Variants in PIEZO2 observed in about 807,000 individuals in gnomAD.
PIEZO2 encodes piezo-type mechanosensitive ion channel component 2.
Under a neutral mutation model 337.3 loss-of-function variants are expected in PIEZO2, and 172 were observed. The ratio of observed to expected loss-of-function variants is 0.51; its 90% CI spans 0.45 to 0.58. The LOEUF (loss-of-function observed/expected upper bound fraction) is 0.58. Among genes scored for constraint, PIEZO2 ranks in the 20% least tolerant of loss-of-function variants. The pLI, the probability that PIEZO2 is intolerant of heterozygous loss-of-function variation, is 0.00. For missense variants in PIEZO2, 3,028 were observed against 3,391.3 expected (o/e 0.89, Z 2.66); for synonymous variants, 1,251 against 1,228.5 (o/e 1.02, Z -0.38).
intron 36 of PIEZO2, among the ~76,000 whole-genome samples, chr18:10,720,882 G>C (rs1352735798): frequency 6.6e-6 from 1 of 152,102 alleles, no homozygotes; most frequent in East Asian, 1.9e-4. Context: ...AAGCTGACCT[G>C]CTCTTTATTT....
At chr18:10,712,889 C>G (rs2035874888) in intron 39 of PIEZO2, among the ~76,000 whole-genome samples, 1 of 152,062 alleles carries the variant, frequency 6.6e-6, no homozygotes. Flanking sequence ...AGTTTCTGTC[C>G]TAAATGTTTC....
chr18:11,148,464 C>T lies in PIEZO2; in HGVS notation c.64+61G>A, dbSNP rs1382436121. 3 of 1,511,676 alleles carry T rather than the reference C, an allele frequency of 2.0e-6. No individual in the cohort carries two copies. The highest frequency in any genetic ancestry group is 1.4e-5 in the African/African-American group (1 of 72,406). 93.6% of individuals were successfully genotyped at this position (1,511,676 alleles called of 1,614,324 possible). A position where few individuals can be genotyped will look rare whatever the true frequency, so the allele number is the denominator to read the frequency against. On this transcript the variant is annotated intron_variant, in intron 1 of 55. Coordinates refer to ENST00000674853, the MANE Select transcript of PIEZO2 (RefSeq NM_001378183.1). The surrounding 1 kb of genome is among the most constrained non-coding windows in gnomAD (Gnocchi z 5.2). ...AGAGCCCTTCACTTTGTTAAGAAGT[C>T]CCCCACCCAGGCGCCCCCCTCGTCC...
chr18:10,725,975 C>T (rs981583400), intron 36 of PIEZO2, among the ~76,000 whole-genome samples: 4 of 152,150 alleles, frequency 2.6e-5, no homozygotes, highest in Admixed American at 6.5e-5. Context: ...TTGCTCTGGG[C>T]AAGAGGTGGT....
At chr18:10,764,155 ATCT>A (rs1214810083) in intron 21 of PIEZO2, among the ~76,000 whole-genome samples, 3 of 152,190 alleles carry the variant, frequency 2.0e-5, no homozygotes, top group Non-Finnish European at 2.9e-5. Flanking sequence ...AAGGACCACC[ATCT>A]TCTTCAGGCA....
At position 11,096,985 on chromosome 18, in the gene PIEZO2, C is replaced by A. The variant is rs2039279566; in HGVS notation, c.65-30763G>T. Among the ~76,000 whole-genome samples, 1 of 152,138 alleles carries A rather than the reference C, an allele frequency of 6.6e-6. No individual in the cohort carries two copies. On this transcript the variant is annotated intron_variant, in intron 1 of 55. Coordinates refer to ENST00000674853, the MANE Select transcript of PIEZO2 (RefSeq NM_001378183.1). This position sits in a 1 kb window ranked among gnomAD's most constrained non-coding sequence, Gnocchi z 4.6. ...GCTTTGTCTAGGAAAGATTTAAATGCCTAACGCCAGCAAGGCTTTTCCTCT... is the reference window on the plus strand; with the variant it reads ...GCTTTGTCTAGGAAAGATTTAAATGACTAACGCCAGCAAGGCTTTTCCTCT...
intron 36 of PIEZO2, among the ~76,000 whole-genome samples, chr18:10,725,658 T>C (rs1425421059): frequency 2.6e-5 from 4 of 152,238 alleles, no homozygotes; most frequent in Non-Finnish European, 5.9e-5. Flanking sequence ...GCCCACGCTC[T>C]GGGCTCGCCT....
At chr18:10,955,346 C>G (rs1250943459) in intron 3 of PIEZO2, among the ~76,000 whole-genome samples, 1 of 152,122 alleles carries the variant, frequency 6.6e-6, no homozygotes, top group Non-Finnish European at 1.5e-5. Context: ...ATTGGCATGG[C>G]CTGTCTGGGA....
intron 2 of PIEZO2, among the ~76,000 whole-genome samples, chr18:11,051,571 C>T (rs547252686): frequency 3.8e-4 from 58 of 152,222 alleles, no homozygotes; most frequent in African/African-American, 1.3e-3. Context: ...ATGACCTGTC[C>T]ATCTACTCCA....
At chr18:10,755,439 C>T (rs1383950153) in intron 27 of PIEZO2, among the ~76,000 whole-genome samples, 2 of 152,146 alleles carry the variant, frequency 1.3e-5, no homozygotes, top group Non-Finnish European at 2.9e-5. Context: ...GCAGCTTCCT[C>T]AGACAGCTGA....
At chr18:10,760,713 G>T (rs889754132) in intron 24 of PIEZO2, among the ~76,000 whole-genome samples, 198 bp downstream of exon 24, 1 of 152,216 alleles carries the variant, frequency 6.6e-6, no homozygotes, top group Non-Finnish European at 1.5e-5. Flanking sequence ...TGCTGTGGAG[G>T]GGGGTGTTCA....
rs2042988026 is a variant in PIEZO2 at position 10,899,468 on chromosome 18, G to A, written c.329+11718C>T. Reference sequence around the variant, plus strand: ...TTGAGCAGTAATGTCTTTGTCTCCAGTAAGGTGCTTCACTGGCTGAGCTTC... The same window carrying A: ...TTGAGCAGTAATGTCTTTGTCTCCAATAAGGTGCTTCACTGGCTGAGCTTC... On this transcript the variant is annotated intron_variant, in intron 4 of 55. Coordinates refer to ENST00000674853, the MANE Select transcript of PIEZO2 (RefSeq NM_001378183.1). This position sits in a 1 kb window ranked among gnomAD's most constrained non-coding sequence, Gnocchi z 4.6. Among the ~76,000 whole-genome samples the A allele has an allele frequency of 6.6e-6, 1 of 152,162 alleles. No homozygotes were observed. The highest frequency in any genetic ancestry group is 6.5e-5 in the Admixed American group (1 of 15,280).
At chr18:10,826,280 T>C (rs2040674904) in intron 7 of PIEZO2, among the ~76,000 whole-genome samples, 1 of 152,184 alleles carries the variant, frequency 6.6e-6, no homozygotes, top group Non-Finnish European at 1.5e-5. Flanking sequence ...GATATAGAAA[T>C]ATTTATCCAT....
intron 2 of PIEZO2, among the ~76,000 whole-genome samples, chr18:10,998,254 C>T (rs1019442937): frequency 6.6e-6 from 1 of 151,802 alleles, no homozygotes; most frequent in Non-Finnish European, 1.5e-5. Flanking sequence ...GTTCTTCAGC[C>T]TGAAGGGAAA....
At chr18:11,147,730 A>T (rs1437751601) in intron 1 of PIEZO2, among the ~76,000 whole-genome samples, 1 of 152,228 alleles carries the variant, frequency 6.6e-6, no homozygotes, top group Non-Finnish European at 1.5e-5. Context: ...TCCGACTCCC[A>T]GAACGCAGCA....
intron 2 of PIEZO2, among the ~76,000 whole-genome samples, chr18:11,054,373 T>G (rs560064906): frequency 9.9e-5 from 15 of 152,220 alleles, no homozygotes; most frequent in Admixed American, 5.9e-4. Context: ...GCAATAACTA[T>G]TCTCTGATGT....
At chr18:10,935,332 T>C (rs903569754) in intron 3 of PIEZO2, among the ~76,000 whole-genome samples, 6 of 152,152 alleles carry the variant, frequency 3.9e-5, no homozygotes, top group Admixed American at 3.3e-4. Context: ...AGGTAACTGC[T>C]CTCAGATTGT....
At chr18:11,106,079 T>TTTTAA (rs1411966720) in intron 1 of PIEZO2, among the ~76,000 whole-genome samples, 2 of 151,724 alleles carry the variant, frequency 1.3e-5, no homozygotes, top group South Asian at 2.1e-4. Flanking sequence ...CTTGGCAGCC[T>TTTTAA]TTTATTTTAT....
chr18:10,916,104 CAG>C (rs1438878996), intron 3 of PIEZO2, among the ~76,000 whole-genome samples: 5 of 152,132 alleles, frequency 3.3e-5, no homozygotes, highest in South Asian at 2.1e-4. Context: ...TAGCTAGACA[CAG>C]AGCACTGATT....
Position 10,677,951 on chromosome 18 carries a change from TC to T in PIEZO2, c.7953-77del, listed in dbSNP as rs1281573771. On this transcript the variant is annotated intron_variant, in intron 52 of 55. Transcript: ENST00000674853. The surrounding 1 kb of genome is among the most constrained non-coding windows in gnomAD (Gnocchi z 4.1). ...AAAAGAGATTTACAACATATTTAAC[TC>T]TTAATTTGATTAATGTCACCACGTT... The T allele has an allele frequency of 5.8e-6, 8 of 1,379,052 alleles. No individual in the cohort carries two copies. The African/African-American group carries it at 1.2e-4, about 20-fold the overall frequency. 85.4% of individuals were successfully genotyped at this position (1,379,052 alleles called of 1,614,324 possible). A position where few individuals can be genotyped will look rare whatever the true frequency, so the allele number is the denominator to read the frequency against.
Sources: allele counts gnomAD v4.1 joint callset (sites outside exome capture counted in the v4.1 genomes callset), GRCh38; gene constraint gnomAD v4.1.1; non-coding constraint Gnocchi (gnomAD v3.1); transcripts MANE v1.5; gene names NCBI Gene and HGNC (gene_info 2026-07-23, HGNC 2026-07-21).